The following WNK2 variants were observed in gnomAD, a reference collection of about 807,000 sequenced individuals.
WNK2 encodes the protein WNK lysine deficient protein kinase 2, also known as serine/threonine-protein kinase WNK2.
Under a neutral mutation model 192.1 loss-of-function variants are expected in WNK2, and 67 were observed. The observed-to-expected ratio is 0.35, with a 90% CI of 0.29 to 0.43. The LOEUF is 0.43. Among genes scored for constraint, WNK2 ranks in the 20% least tolerant of loss-of-function variants. The probability of loss-of-function intolerance (pLI) is 1.00; values close to 1 mark genes in which losing one functional copy is unlikely to be tolerated. For missense variants in WNK2, 2,698 were observed against 3,089.7 expected, an observed-to-expected ratio of 0.87 and a Z score of 3.01; for synonymous variants, 1,439 against 1,393.9, an observed-to-expected ratio of 1.03 and a Z score of -0.72.
chr9:93,306,937 C>T (rs781359186), intron 27 of WNK2, 116 bp downstream of exon 27: 82 of 1,300,596 alleles, frequency 6.3e-5, no homozygotes, highest in Non-Finnish European at 8.3e-5. Flanking sequence ...GTGCCTGCCC[C>T]GCGCCTGCTC....
Position 93,261,935 on chromosome 9 carries a change from C to T in WNK2, c.3188C>T (p.Pro1063Leu), listed in dbSNP as rs1844343458. The T allele has an allele frequency of 1.2e-6, 2 of 1,610,420 alleles. No homozygotes were observed. Among genetic ancestry groups the T allele is most frequent in the East Asian group, 2.2e-5 (1 of 44,872 alleles). ...CCGGAAGTGCTGCTGCCTGCCGCCC[C>T]TGAGCTCCTGCCTCAGTTCCCCAGC... ...PLPEVLLPAA[P>L]ELLPQFPSSL... The change falls in exon 13 of 30, where the codon CCT (proline) becomes CTT (leucine). Residue 1063 changes from proline (P) to leucine (L), a missense_variant. Coordinates refer to ENST00000427277, the MANE Select transcript of WNK2 (RefSeq NM_006648.4).
At chr9:93,192,961 G>A (rs1050591540) in intron 2 of WNK2, among the ~76,000 whole-genome samples, 2 of 152,200 alleles carry the variant, frequency 1.3e-5, no homozygotes, top group Admixed American at 6.5e-5. Context: ...CTGGCTTCAG[G>A]CTGCAGCTGG....
Position 93,238,266 on chromosome 9 carries a change from G to A in WNK2, c.1267G>A (p.Asp423Asn), listed in dbSNP as rs1204450087. 7 of 1,614,028 alleles carry A rather than the reference G, an allele frequency of 4.3e-6. No individual in the cohort carries two copies. The highest frequency in any genetic ancestry group is 5.1e-6 in the Non-Finnish European group (6 of 1,179,898). ...IKPASFEKVH[D>N]PEIKEIIGEC... ...GCCGGCCAGCTTTGAGAAAGTGCAC[G>A]ATCCTGAAATCAAGGAGATTATTGG... Residue 423 changes from aspartate (D) to asparagine (N), a missense_variant, in exon 6 of 30, where the codon GAT becomes AAT. Physicochemically the swap from Asp to Asn is conservative, Grantham distance 23. This residue lies in a region of WNK2 where 230 missense variants were observed against 501.1 expected (regional missense o/e 0.46). Transcript: ENST00000427277.
chr9:93,246,655 C>T (rs561292965), intron 7 of WNK2, among the ~76,000 whole-genome samples: 2 of 152,322 alleles, frequency 1.3e-5, no homozygotes, highest in South Asian at 2.1e-4. Flanking sequence ...GTCACCACCT[C>T]CCCTCCCCGA....
chr9:93,317,961 G>T, intron 29 of WNK2: 5 of 1,612,356 alleles, frequency 3.1e-6, no homozygotes, highest in Non-Finnish European at 4.2e-6. Context: ...GCACTCAGCC[G>T]CGAGGGGGAC....
chr9:93,252,759 G>A (rs967870922), intron 8 of WNK2, 124 bp from the exon 9 acceptor site: 3 of 911,826 alleles, frequency 3.3e-6, no homozygotes, highest in Non-Finnish European at 4.6e-6. Flanking sequence ...AATATGTGCG[G>A]GTTATTTATG....
chr9:93,314,281 T>G (rs774811846), intron 28 of WNK2, among the ~76,000 whole-genome samples: 4 of 149,778 alleles, frequency 2.7e-5, no homozygotes, highest in Non-Finnish European at 5.9e-5. Flanking sequence ...AAAGTCCGTC[T>G]CAAATAAAAA....
In WNK2 at chr9:93,214,876, CATTATT is replaced by C. The variant is rs147490138; in HGVS notation, c.682-14804_682-14799del. 9.1e-3 allele frequency among the ~76,000 whole-genome samples: 1,364 copies of C among 150,650 alleles called. 21 individuals carry two copies. Among genetic ancestry groups the C allele is most frequent in the East Asian group, 0.047 (240 of 5,098 alleles). ...GCTTCAATTTTAGAAAATGTGGTGG[CATTATT>C]ATTATTATTATTATTTTAGAGATGA... is the stretch of plus-strand genomic sequence containing the variant. On this transcript the variant is annotated intron_variant, in intron 2 of 29. Transcript: ENST00000427277.
At position 93,257,132 on chromosome 9, in the gene WNK2, C is replaced by G. The variant is rs1468084475; in HGVS notation, c.2375C>G (p.Pro792Arg). Residue 792 changes from proline (P) to arginine (R), a missense_variant, in exon 11 of 30, where the codon CCT (proline) becomes CGT (arginine). By Grantham distance (103) the Pro-to-Arg change is moderately radical (BLOSUM62 -2). Coordinates refer to ENST00000427277, the MANE Select transcript of WNK2 (RefSeq NM_006648.4). The surrounding 1 kb of genome is among the most constrained non-coding windows in gnomAD (Gnocchi z 4.7). ...QAPLQPLAQVPPQMPPIPVVP... is the reference protein window; with the variant it reads ...QAPLQPLAQVRPQMPPIPVVP... The stretch of plus-strand genomic sequence containing the variant: ...CCCCTGCAGCCGCTTGCTCAAGTCC[C>G]TCCGCAGGTAATTCTAGGTTGATGG... The G allele has an allele frequency of 6.2e-7, 1 of 1,607,790 alleles. No individual in the cohort carries two copies. Among genetic ancestry groups the G allele is most frequent in the Non-Finnish European group, 8.5e-7 (1 of 1,178,794 alleles).
chr9:93,202,727 C>T (rs1170223253), intron 2 of WNK2, among the ~76,000 whole-genome samples: 2 of 151,964 alleles, frequency 1.3e-5, no homozygotes, highest in African/African-American at 2.4e-5. Context: ...CTGGACACCA[C>T]TGCAGCCGGG....
At chr9:93,281,308 G>A (rs1402409342) in intron 19 of WNK2, among the ~76,000 whole-genome samples, 1 of 152,114 alleles carries the variant, frequency 6.6e-6, no homozygotes, top group Non-Finnish European at 1.5e-5. Flanking sequence ...AACTAAGTTT[G>A]CCTACTGCAT....
intron 4 of WNK2, among the ~76,000 whole-genome samples, chr9:93,231,667 G>T (rs867647132): frequency 2.0e-4 from 30 of 152,234 alleles, no homozygotes; most frequent in African/African-American, 7.0e-4. Context: ...CAGAGCAGGC[G>T]TTGTGCACAG....
Position 93,259,727 on chromosome 9 carries a change from C to T in WNK2, c.3066+113C>T. 1.9e-6 allele frequency: 2 copies of T among 1,055,646 alleles called. No homozygotes were observed. The highest frequency in any genetic ancestry group is 2.7e-6 in the Non-Finnish European group (2 of 753,896). 65.4% of individuals were successfully genotyped at this position (1,055,646 alleles called of 1,614,324 possible). On this transcript the variant is annotated intron_variant, in intron 12 of 29. Coordinates refer to ENST00000427277, the MANE Select transcript of WNK2 (RefSeq NM_006648.4). The surrounding 1 kb of genome is among the most constrained non-coding windows in gnomAD (Gnocchi z 4.8). ...GGAGGCAGCCCTGCCTGGGGTCGCC[C>T]CTCTCAGGAAGAGATGTGTGTGAGG... is the stretch of plus-strand genomic sequence containing the variant.
chr9:93,185,037 G>T lies in WNK2; in HGVS notation c.108G>T (p.Pro36=). 5 of 1,273,398 alleles carry T rather than the reference G, an allele frequency of 3.9e-6. No individual in the cohort carries two copies. Among genetic ancestry groups the T allele is most frequent in the Non-Finnish European group, 4.9e-6 (5 of 1,011,522 alleles). 78.9% of individuals were successfully genotyped at this position (1,273,398 alleles called of 1,614,324 possible). ...MAEPRAKAAR[P]GPQRFLRRSV... ...AGCCTCGGGCGAAGGCGGCGCGGCC[G>T]GGGCCCCAGCGCTTTCTGCGGCGCA... is the stretch of plus-strand genomic sequence containing the variant. The change falls in exon 2 of 30, where the codon CCG becomes CCT. Residue 36 remains proline (P), a synonymous_variant. Coordinates refer to ENST00000427277, the MANE Select transcript of WNK2 (RefSeq NM_006648.4).
At chr9:93,317,942 G>A in intron 29 of WNK2, 1 of 1,610,462 alleles carries the variant, frequency 6.2e-7, no homozygotes, top group Middle Eastern at 1.7e-4. Context: ...ACCGCCTGCT[G>A]TGGGCACAGC....
At chr9:93,227,748 C>A (rs1022734237) in intron 2 of WNK2, among the ~76,000 whole-genome samples, 2 of 151,966 alleles carry the variant, frequency 1.3e-5, no homozygotes, top group African/African-American at 4.8e-5. Flanking sequence ...CCATCCTCTG[C>A]CTCAGCCTCC....
Position 93,229,626 on chromosome 9 carries a change from G to A in WNK2, c.682-70G>A. The A allele has an allele frequency of 6.6e-7, 1 of 1,526,242 alleles. No individual in the cohort carries two copies. Among genetic ancestry groups the A allele is most frequent in the Non-Finnish European group, 8.9e-7 (1 of 1,128,452 alleles). 94.5% of individuals were successfully genotyped at this position (1,526,242 alleles called of 1,614,324 possible). On this transcript the variant is annotated intron_variant, in intron 2 of 29. Transcript: ENST00000427277. The surrounding 1 kb of genome is among the most constrained non-coding windows in gnomAD (Gnocchi z 4.9). ...CTGGTCCTACTGTGTGGCGCTGCTG[G>A]GATGTGACGCCACCGTGTCCCCTTC...
In WNK2 at chr9:93,289,589, T is replaced by C; in HGVS notation, c.4835T>C (p.Val1612Ala). The C allele has an allele frequency of 6.7e-7, 1 of 1,502,784 alleles. No individual in the cohort carries two copies. The highest frequency in any genetic ancestry group is 8.9e-7 in the Non-Finnish European group (1 of 1,129,758). The allele number at this position is 1,502,784 out of a possible 1,614,324, so 93.1% of individuals were successfully genotyped here. ...LALPPVPKEA[V>A]SGRVQLPQPL... ...CTGCCCCCAGTGCCTAAGGAGGCGG[T>C]CTCAGGGCGTGTCCAGCTGCCCCAG... Residue 1612 changes from valine (V) to alanine (A), a missense_variant, in exon 20 of 30, where the codon GTC becomes GCC. Around this residue, in one of 7 missense-constraint regions of WNK2, gnomAD observed 1,098 missense variants for 1,101.0 expected, o/e 1.00. Transcript: ENST00000427277.
intron 19 of WNK2, among the ~76,000 whole-genome samples, chr9:93,273,939 G>A (rs1485374355): frequency 1.3e-5 from 2 of 152,174 alleles, no homozygotes; most frequent in South Asian, 2.1e-4. Flanking sequence ...TTTGTGGGAT[G>A]TAGTTAAAGC....
Sources: gnomAD v4.1 joint callset for allele counts (sites outside exome capture counted in the v4.1 genomes callset) on GRCh38, gnomAD v4.1.1 for gene constraint, gnomAD v4.1.1 regional missense constraint, Gnocchi (gnomAD v3.1) non-coding constraint, MANE v1.5 for transcripts, NCBI Gene and HGNC (gene_info 2026-07-23, HGNC 2026-07-21) for gene names.